DIAPH2: variants seen among roughly 807,000 people sequenced by gnomAD.
The protein encoded by DIAPH2 is diaphanous related formin 2.
DIAPH2 carries 35 observed loss-of-function variants against 92.7 expected under a neutral mutation model. The ratio of observed to expected loss-of-function variants is 0.38; its 90% CI spans 0.29 to 0.50. The LOEUF is 0.50. DIAPH2 is among the 20% of genes least tolerant of loss of function. The probability of loss-of-function intolerance (pLI) is 0.94; values close to 1 mark genes in which losing one functional copy is unlikely to be tolerated. For synonymous variants in DIAPH2, 301 were observed against 280.4 expected (o/e 1.07, Z -0.73); for missense variants, 701 against 819.5 (o/e 0.86, Z 1.77).
intron 23 of DIAPH2, among the ~76,000 whole-genome samples, chrX:97,259,808 T>C (rs996374575): frequency 8.9e-6 from 1 of 112,367 alleles, no homozygotes; most frequent in Non-Finnish European, 1.9e-5. Flanking sequence ...AAATGTTCTG[T>C]AGCAAAAATT....
intron 4 of DIAPH2, among the ~76,000 whole-genome samples, chrX:96,871,991 A>G (rs1316316428): frequency 8.9e-6 from 1 of 112,253 alleles, no homozygotes; most frequent in Non-Finnish European, 1.9e-5. Flanking sequence ...CATGTGCCAA[A>G]AAGTTACATA....
At chrX:97,394,816 G>C (rs2069689892) in intron 25 of DIAPH2, among the ~76,000 whole-genome samples, 1 of 111,805 alleles carries the variant, frequency 8.9e-6, no homozygotes, top group Admixed American at 9.5e-5. Context: ...GGTTGAATCT[G>C]CTGATCCCCA....
intron 23 of DIAPH2, among the ~76,000 whole-genome samples, chrX:97,334,176 A>T (rs772950282): frequency 9.1e-6 from 1 of 110,318 alleles, no homozygotes; most frequent in Non-Finnish European, 1.9e-5. Flanking sequence ...TTCTAGATAC[A>T]TTGAGGCCGG....
intron 19 of DIAPH2, among the ~76,000 whole-genome samples, chrX:97,090,246 A>T (rs1175016980): frequency 9.3e-6 from 1 of 107,195 alleles, no homozygotes; most frequent in African/African-American, 3.4e-5. Flanking sequence ...CATGGTACAA[A>T]TGAATGACTA....
At chrX:97,526,879 A>G (rs755691764) in intron 26 of DIAPH2, among the ~76,000 whole-genome samples, 4 of 110,711 alleles carry the variant, frequency 3.6e-5, no homozygotes, top group African/African-American at 1.3e-4. Flanking sequence ...CATCTATCTC[A>G]TTTCTGTCCC....
chrX:97,495,822 T>C (rs2070753991), intron 26 of DIAPH2, among the ~76,000 whole-genome samples: 1 of 112,039 alleles, frequency 8.9e-6, no homozygotes, highest in South Asian at 3.7e-4. Context: ...GATTACTGTT[T>C]TGTTTCATTT....
intron 4 of DIAPH2, among the ~76,000 whole-genome samples, chrX:96,777,694 T>G (rs912992684): frequency 9.0e-6 from 1 of 111,729 alleles, no homozygotes; most frequent in Non-Finnish European, 1.9e-5. Context: ...ATGCATAATT[T>G]TAATTTTATT....
chrX:97,311,859 C>G (rs1306822791), intron 23 of DIAPH2, among the ~76,000 whole-genome samples: 1 of 110,286 alleles, frequency 9.1e-6, no homozygotes, highest in Non-Finnish European at 1.9e-5. Context: ...GACAGAGTCT[C>G]GCCTGTGGCC....
chrX:97,384,173 C>A (rs1027893587), intron 25 of DIAPH2, 129 bp downstream of exon 25: 1 of 564,095 alleles, frequency 1.8e-6, no homozygotes, highest in African/African-American at 2.3e-5. Context: ...TGCTAAATTT[C>A]TCTCATGATG....
At chrX:97,158,192 T>C (rs1167194877) in intron 22 of DIAPH2, among the ~76,000 whole-genome samples, 3 of 112,433 alleles carry the variant, frequency 2.7e-5, no homozygotes, top group African/African-American at 9.7e-5. Flanking sequence ...ATTTGGACGA[T>C]GATATTTAAG....
intron 4 of DIAPH2, among the ~76,000 whole-genome samples, chrX:96,804,339 T>C (rs2635745): frequency 3.6e-5 from 4 of 111,882 alleles, no homozygotes; most frequent in African/African-American, 1.3e-4. Flanking sequence ...CTCAAAATGT[T>C]GATATTCATT....
chrX:97,320,250 A>G (rs981892615), intron 23 of DIAPH2, among the ~76,000 whole-genome samples: 3 of 109,964 alleles, frequency 2.7e-5, no homozygotes, highest in Non-Finnish European at 5.7e-5. Context: ...TTTTTGTGAA[A>G]CATTCACAAC....
At chrX:96,766,029 C>T (rs2064301845) in intron 4 of DIAPH2, among the ~76,000 whole-genome samples, 1 of 110,569 alleles carries the variant, frequency 9.0e-6, no homozygotes, top group Non-Finnish European at 1.9e-5. Context: ...ATGTTTATAG[C>T]TCTATTGTTA....
chrX:97,551,472 C>T (rs761711182), intron 26 of DIAPH2, among the ~76,000 whole-genome samples: 1 of 109,031 alleles, frequency 9.2e-6, no homozygotes, highest in South Asian at 4.1e-4. Flanking sequence ...CACCTGTAAA[C>T]CCAGCTACTC....
chrX:96,686,220 G>A (rs1569365426), intron 1 of DIAPH2, among the ~76,000 whole-genome samples: 1 of 111,872 alleles, frequency 8.9e-6, no homozygotes, highest in Non-Finnish European at 1.9e-5. Context: ...AGGAGAGGGT[G>A]ACATATAAAT....
chrX:97,098,104 G>C (rs2066881364), intron 19 of DIAPH2, among the ~76,000 whole-genome samples: 1 of 111,620 alleles, frequency 9.0e-6, no homozygotes, highest in Admixed American at 9.5e-5. Flanking sequence ...CAAATGGGGA[G>C]AACAAAAGGG....
intron 4 of DIAPH2, among the ~76,000 whole-genome samples, chrX:96,809,032 ATAG>A (rs1250690143): frequency 1.8e-5 from 2 of 111,917 alleles, no homozygotes; most frequent in African/African-American, 6.5e-5. Flanking sequence ...ATACAATAAA[ATAG>A]TAAATTATTA....
At chrX:97,263,865 G>A (rs1357722739) in intron 23 of DIAPH2, among the ~76,000 whole-genome samples, 4 of 109,148 alleles carry the variant, frequency 3.7e-5, no homozygotes, top group Non-Finnish European at 7.6e-5. Flanking sequence ...AGGATTACCG[G>A]CGTGAGCCAC....
At chrX:96,721,004 A>G (rs6615847) in intron 1 of DIAPH2, among the ~76,000 whole-genome samples, 14,967 of 110,640 alleles carry the variant, frequency 0.14, 829 homozygotes, top group East Asian at 0.32. Context: ...CTGTGGTTCT[A>G]CCTTCTTACT....
Sources: allele counts gnomAD v4.1 joint callset (sites outside exome capture counted in the v4.1 genomes callset), GRCh38; gene constraint gnomAD v4.1.1; transcripts MANE v1.5; gene names NCBI Gene and HGNC (gene_info 2026-07-23, HGNC 2026-07-21).